The following SEMA3A variants were observed in gnomAD, a reference collection of about 807,000 sequenced individuals.
The protein encoded by SEMA3A is semaphorin 3A, also known as semaphorin-3A.
In SEMA3A, 29 loss-of-function variants were observed where a neutral mutation model predicts 97.9. That is an observed-to-expected ratio of 0.30 (90% CI 0.22 to 0.40). The LOEUF (loss-of-function observed/expected upper bound fraction) is 0.40, where lower values mean the gene tolerates loss of function less well. SEMA3A is among the 10% of genes least tolerant of loss of function. SEMA3A has a pLI of 1.00. For synonymous variants in SEMA3A, 321 were observed against 323.7 expected (o/e 0.99, Z 0.09); for missense variants, 763 against 951.3 (o/e 0.80, Z 2.60).
At chr7:84,076,886 G>A (rs1315219402) in intron 4 of SEMA3A, among the ~76,000 whole-genome samples, 1 of 152,056 alleles carries the variant, frequency 6.6e-6, no homozygotes, top group Non-Finnish European at 1.5e-5. Context: ...AAACATTGGG[G>A]CCATAATTCA....
chr7:84,375,065 G>C (rs550394183), intron 1 of SEMA3A, among the ~76,000 whole-genome samples: 3 of 152,028 alleles, frequency 2.0e-5, no homozygotes, highest in Non-Finnish European at 4.4e-5. Context: ...TGTCACCCAG[G>C]CTAGAGTATA....
At chr7:83,963,141 T>C (rs998420504) in intron 16 of SEMA3A, 64 bp downstream of exon 16, 5 of 1,559,766 alleles carry the variant, frequency 3.2e-6, no homozygotes, top group African/African-American at 2.7e-5. Flanking sequence ...AAGTGAAAAA[T>C]ACAAGGATTA....
rs1243612911 is a variant in SEMA3A at position 83,963,201 on chromosome 7, G to A, written c.1860+4C>T. The A allele has an allele frequency of 6.2e-7, 1 of 1,612,496 alleles. No individual in the cohort carries two copies. Among genetic ancestry groups the A allele is most frequent in the Non-Finnish European group, 8.5e-7 (1 of 1,179,868 alleles). On this transcript the variant is annotated splice_donor_region_variant and intron_variant, in intron 16 of 16. Transcript: ENST00000265362. ...AAATGATCCAGTCAGTTTCATTCCT[G>A]TACCTCTTCTTTTCGCTCTTCATTT...
intron 2 of SEMA3A, among the ~76,000 whole-genome samples, chr7:84,351,145 C>T (rs1404483687): frequency 6.6e-6 from 1 of 151,772 alleles, no homozygotes; most frequent in Non-Finnish European, 1.5e-5. Flanking sequence ...GCATCAGAAG[C>T]TTGTAGAGGG....
In SEMA3A at chr7:84,002,055, G is replaced by A; in HGVS notation, c.1361-9C>T. ...AAGAACGGTCCCAACATCTTTGAAA[G>A]AAAGTGGGGAGAAGACCACAAGTTA... On this transcript the variant is annotated splice_polypyrimidine_tract_variant and intron_variant, in intron 11 of 16. Coordinates refer to ENST00000265362, the MANE Select transcript of SEMA3A (RefSeq NM_006080.3). 6.5e-7 allele frequency: 1 copy of A among 1,540,528 alleles called. No individual in the cohort carries two copies. The highest frequency in any genetic ancestry group is 1.7e-5 in the Admixed American group (1 of 58,614).
chr7:84,453,392 T>G (rs577060162), intron 1 of SEMA3A, among the ~76,000 whole-genome samples: 1 of 151,704 alleles, frequency 6.6e-6, no homozygotes, highest in African/African-American at 2.4e-5. Context: ...GCCCGCCACC[T>G]CGCCCGGCTA....
intron 1 of SEMA3A, among the ~76,000 whole-genome samples, chr7:84,416,223 C>T (rs1035606189): frequency 6.6e-6 from 1 of 152,032 alleles, no homozygotes; most frequent in African/African-American, 2.4e-5. Context: ...CTTTCCAGTG[C>T]TATTCTCGTG....
chr7:84,090,419 G>A (rs1794526868), intron 4 of SEMA3A, among the ~76,000 whole-genome samples: 1 of 150,788 alleles, frequency 6.6e-6, no homozygotes, highest in East Asian at 1.9e-4. Context: ...AATGTTTGCA[G>A]ACGATTTGTC....
At chr7:84,324,008 G>C (rs1286676950) in intron 2 of SEMA3A, among the ~76,000 whole-genome samples, 1 of 152,108 alleles carries the variant, frequency 6.6e-6, no homozygotes, top group Non-Finnish European at 1.5e-5. Context: ...TTGAAAGTTT[G>C]TAATTATGTA....
At chr7:84,398,542 G>A (rs2116200547) in intron 1 of SEMA3A, among the ~76,000 whole-genome samples, 1 of 152,260 alleles carries the variant, frequency 6.6e-6, no homozygotes, top group Non-Finnish European at 1.5e-5. Flanking sequence ...AGGACTGCTT[G>A]AGACCAGGAA....
At chr7:84,158,485 G>A (rs938468103) in intron 1 of SEMA3A, among the ~76,000 whole-genome samples, 1 of 152,034 alleles carries the variant, frequency 6.6e-6, no homozygotes, top group Non-Finnish European at 1.5e-5. Context: ...CTTACTTGAT[G>A]TGACAACAAA....
intron 3 of SEMA3A, among the ~76,000 whole-genome samples, chr7:84,298,788 T>C (rs1001282451): frequency 6.6e-6 from 1 of 152,164 alleles, no homozygotes; most frequent in Admixed American, 6.5e-5. Context: ...TGTGAGGGTG[T>C]TGCCAAAGGA....
Position 84,005,561 on chromosome 7 carries a change from A to G in SEMA3A, c.1141-3T>C, listed in dbSNP as rs762051457. The G allele has an allele frequency of 1.3e-5, 21 of 1,582,596 alleles. No homozygotes were observed. Among genetic ancestry groups the G allele is most frequent in the Non-Finnish European group, 5.2e-6 (6 of 1,154,282 alleles). On this transcript the variant is annotated splice_polypyrimidine_tract_variant and splice_region_variant and intron_variant, in intron 10 of 16. Transcript: ENST00000265362. ...CCACCAAATGTTTTGCTGGGACACT[A>G]TTAAGATAAAGAGAAAATTATCTTT...
At chr7:84,095,857 A>G (rs1323577329) in intron 4 of SEMA3A, among the ~76,000 whole-genome samples, 2 of 152,038 alleles carry the variant, frequency 1.3e-5, no homozygotes, top group African/African-American at 2.4e-5. Flanking sequence ...AAAAGTTCCT[A>G]AAGTATTGAA....
intron 2 of SEMA3A, among the ~76,000 whole-genome samples, chr7:84,318,744 G>A (rs1308259258): frequency 6.6e-6 from 1 of 152,046 alleles, no homozygotes; most frequent in African/African-American, 2.4e-5. Flanking sequence ...CTCTTATCTT[G>A]TGACTTGGGT....
At chr7:84,318,760 T>C (rs1801576869) in intron 2 of SEMA3A, among the ~76,000 whole-genome samples, 1 of 152,194 alleles carries the variant, frequency 6.6e-6, no homozygotes, top group African/African-American at 2.4e-5. Flanking sequence ...TGGGTGATAA[T>C]ATGCAATCCC....
At chr7:84,458,709 G>A (rs1050119820) in intron 1 of SEMA3A, among the ~76,000 whole-genome samples, 2 of 151,760 alleles carry the variant, frequency 1.3e-5, no homozygotes, top group African/African-American at 2.4e-5. Context: ...ATCATATTTC[G>A]GTGGTATATG....
chr7:84,106,332 T>C (rs2115922601), intron 4 of SEMA3A, among the ~76,000 whole-genome samples: 1 of 152,266 alleles, frequency 6.6e-6, no homozygotes, highest in African/African-American at 2.4e-5. Context: ...ATGCTACACA[T>C]TGCCTACAAT....
intron 6 of SEMA3A, among the ~76,000 whole-genome samples, chr7:84,030,053 C>G (rs1360249837): frequency 6.6e-6 from 1 of 152,074 alleles, no homozygotes; most frequent in Non-Finnish European, 1.5e-5. Context: ...AAATTATCCT[C>G]TCAGTGTGGC....
Sources: allele counts gnomAD v4.1 joint callset (sites outside exome capture counted in the v4.1 genomes callset), GRCh38; gene constraint gnomAD v4.1.1; transcripts MANE v1.5; gene names NCBI Gene and HGNC (gene_info 2026-07-23, HGNC 2026-07-21).